GGCX: variants seen among roughly 807,000 people sequenced by gnomAD.
The protein encoded by GGCX is gamma-glutamyl carboxylase.
In GGCX, 63 loss-of-function variants were observed where a neutral mutation model predicts 88.5. The ratio of observed to expected loss-of-function variants is 0.71; its 90% confidence interval spans 0.58 to 0.88. The LOEUF is 0.88. Among genes scored for constraint, GGCX ranks in the 40% least tolerant of loss-of-function variants. GGCX has a pLI of 0.00. For missense variants in GGCX, 805 were observed against 932.9 expected (o/e 0.86, Z 1.79); for synonymous variants, 368 against 365.8 (o/e 1.01, Z -0.07).
chr2:85,544,972 TAAC>T lies in GGCX; in HGVS notation c.*4959_*4961del, dbSNP rs749255803. ...TTTTCTCTCAACACCATGATTCCTT[TAAC>T]AACATGTTTCCAGCATTCCCAGGTA... On this transcript the variant is annotated 3_prime_UTR_variant, in exon 15 of 15. Transcript: ENST00000233838. 66 of 152,566 alleles carry T rather than the reference TAAC, an allele frequency of 4.3e-4. No homozygotes were observed. The highest frequency in any genetic ancestry group is 9.2e-4 in the Admixed American group (14 of 15,262). 9.5% of individuals were successfully genotyped at this position (152,566 alleles called of 1,614,324 possible).
At chr2:85,551,099 T>C (rs542631041) in intron 12 of GGCX, 27 bp from the exon 13 acceptor site, 2 of 1,609,488 alleles carry the variant, frequency 1.2e-6, no homozygotes, top group East Asian at 2.2e-5. Flanking sequence ...AATGGATAAA[T>C]TTCATCAGCT....
At position 85,560,362 on chromosome 2, in the gene GGCX, G is replaced by A. The variant is rs574996920; in HGVS notation, c.214+453C>T. On this transcript the variant is annotated intron_variant, in intron 2 of 14. Transcript: ENST00000233838. ...AGCACTTTGGGAGGCCGAGGCAGGC[G>A]GATCACCTGAGGTCAGGAGTTTGAG... Among the ~76,000 whole-genome samples, 7 of 152,092 alleles carry A rather than the reference G, an allele frequency of 4.6e-5. No homozygotes were observed. The South Asian group carries it at 1.5e-3, about 32-fold the overall frequency.
chr2:85,558,325 T>A (rs532633739), intron 4 of GGCX, 115 bp downstream of exon 4: 1 of 918,894 alleles, frequency 1.1e-6, no homozygotes, highest in Non-Finnish European at 1.8e-6. Flanking sequence ...CAAAGTGACC[T>A]TGTAACCATA....
chr2:85,549,852 A>G lies in GGCX; in HGVS notation c.*82T>C. Reference sequence around the variant, plus strand: ...AAAAAAAAAAAAAAAACTTTTGAGAATTTTTTTCAAATAAATGTCCATTGC... The same window carrying G: ...AAAAAAAAAAAAAAAACTTTTGAGAGTTTTTTTCAAATAAATGTCCATTGC... On this transcript the variant is annotated 3_prime_UTR_variant, in exon 15 of 15. Transcript: ENST00000233838. 2 of 833,822 alleles carry G rather than the reference A, an allele frequency of 2.4e-6. No homozygotes were observed. Among genetic ancestry groups the G allele is most frequent in the Non-Finnish European group, 3.7e-6 (2 of 538,568 alleles). 51.7% of individuals were successfully genotyped at this position (833,822 alleles called of 1,614,324 possible).
rs1416935549 is a variant in GGCX, at chr2:85,551,966, A to G, written c.1455T>C (p.Arg485=). The G allele has an allele frequency of 9.9e-6, 16 of 1,613,800 alleles. No homozygotes were observed. Among genetic ancestry groups the G allele is most frequent in the Non-Finnish European group, 1.4e-5 (16 of 1,179,826 alleles). Reference sequence around the variant, plus strand: ...ACCAAGCGGCCTGCACGATGTCCACACGAGGGTCAAAAATCCTTAGGAAAG... The same window carrying G: ...ACCAAGCGGCCTGCACGATGTCCACGCGAGGGTCAAAAATCCTTAGGAAAG... ...DRFQQRIFDP[R]VDIVQAAWSP... Residue 485 remains arginine (R), a synonymous_variant, in exon 11 of 15, where the codon CGT becomes CGC. Transcript: ENST00000233838.
intron 3 of GGCX, 29 bp from the exon 4 acceptor site, chr2:85,558,634 G>A (rs1692307005): frequency 1.9e-6 from 3 of 1,582,622 alleles, no homozygotes; most frequent in South Asian, 1.1e-5. Context: ...GGATTAAGAG[G>A]TCAAGAGATC....
At position 85,546,497 on chromosome 2, in the gene GGCX, A is replaced by G. The variant is rs1294927851; in HGVS notation, c.*3437T>C. 6.6e-6 allele frequency: 1 copy of G among 151,732 alleles called. No homozygotes were observed. The highest frequency in any genetic ancestry group is 2.4e-5 in the African/African-American group (1 of 41,138). The allele number at this position is 151,732 out of a possible 1,614,324, so 9.4% of individuals were successfully genotyped here. On this transcript the variant is annotated 3_prime_UTR_variant, in exon 15 of 15. Transcript: ENST00000233838. The stretch of plus-strand genomic sequence containing the variant: ...TTTGGGAGGCTAATGCGGGTGGATC[A>G]CCTGAGGTCACGGTTTGATACCAGC...
rs1246324876 is a variant in GGCX, at chr2:85,544,845, A to G, written c.*5089T>C. The G allele has an allele frequency of 2.0e-5, 3 of 152,578 alleles. No homozygotes were observed. Among genetic ancestry groups the G allele is most frequent in the African/African-American group, 4.8e-5 (2 of 41,416 alleles). The allele number at this position is 152,578 out of a possible 1,614,324, so 9.5% of individuals were successfully genotyped here. ...TTGGCGGGGAGGAGGAAATCCCTTC[A>G]TACTTGAACGTTTTCTAATTGCTTA... is the stretch of plus-strand genomic sequence containing the variant. On this transcript the variant is annotated 3_prime_UTR_variant, in exon 15 of 15. Coordinates refer to ENST00000233838, the MANE Select transcript of GGCX (RefSeq NM_000821.7).
chr2:85,549,280 G>A lies in GGCX; in HGVS notation c.*654C>T, dbSNP rs958243397. On this transcript the variant is annotated 3_prime_UTR_variant, in exon 15 of 15. Transcript: ENST00000233838. ...CTAATGTAATAATGCAGGTAACACT[G>A]CTCACGCGGTGTGTTGCACATAGCA... 6.5e-6 allele frequency: 1 copy of A among 154,204 alleles called. No individual in the cohort carries two copies. The highest frequency in any genetic ancestry group is 1.4e-5 in the Non-Finnish European group (1 of 69,350). 9.6% of individuals were successfully genotyped at this position (154,204 alleles called of 1,614,324 possible). A position where few individuals can be genotyped will look rare whatever the true frequency, so the allele number is the denominator to read the frequency against.
In GGCX at chr2:85,559,019, T is replaced by C; in HGVS notation, c.271A>G (p.Lys91Glu). ...CACACATCCAGCCCATCAAGGTATTTCCGGTCCAGAGAGCTGAGCCCCCGC... is the reference window on the plus strand; with the variant it reads ...CACACATCCAGCCCATCAAGGTATTCCCGGTCCAGAGAGCTGAGCCCCCGC... The part of the protein sequence containing the change: ...QERGLSSLDR[K>E]YLDGLDVCRF... Residue 91 changes from lysine (K) to glutamate (E), a missense_variant, in exon 3 of 15, where the codon AAA becomes GAA. Transcript: ENST00000233838. The C allele has an allele frequency of 6.2e-7, 1 of 1,614,058 alleles. No individual in the cohort carries two copies. The highest frequency in any genetic ancestry group is 8.5e-7 in the Non-Finnish European group (1 of 1,179,940).
rs1261108468 is a variant in GGCX at position 85,547,575 on chromosome 2, CCA to C, written c.*2357_*2358del. On this transcript the variant is annotated 3_prime_UTR_variant, in exon 15 of 15. Coordinates refer to ENST00000233838, the MANE Select transcript of GGCX (RefSeq NM_000821.7). ...CAAGTAACTCTTGGGACTTTTGTTA[CCA>C]GTCAAGTAGGTACAGTGAGTTTGGC... The C allele has an allele frequency of 1.3e-5, 2 of 152,170 alleles. No individual in the cohort carries two copies. The highest frequency in any genetic ancestry group is 4.8e-5 in the African/African-American group (2 of 41,434). 9.4% of individuals were successfully genotyped at this position (152,170 alleles called of 1,614,324 possible).
intron 6 of GGCX, chr2:85,555,244 CT>C: frequency 2.4e-6 from 1 of 414,090 alleles, no homozygotes; most frequent in Non-Finnish European, 4.5e-6. Context: ...CGGCTCTTTC[CT>C]TTCCTTTTTA....
At chr2:85,561,012 G>A (rs1558814238) in intron 1 of GGCX, 27 bp from the exon 2 acceptor site, 1 of 1,570,232 alleles carries the variant, frequency 6.4e-7, no homozygotes. Context: ...GAGAAAATAT[G>A]TGTGCGGGGG....
In GGCX at chr2:85,547,411, GACC is replaced by G. The variant is rs1292579191; in HGVS notation, c.*2520_*2522del. The G allele has an allele frequency of 6.6e-6, 1 of 152,102 alleles. No homozygotes were observed. Among genetic ancestry groups the G allele is most frequent in the Non-Finnish European group, 1.5e-5 (1 of 68,016 alleles). 9.4% of individuals were successfully genotyped at this position (152,102 alleles called of 1,614,324 possible). On this transcript the variant is annotated 3_prime_UTR_variant, in exon 15 of 15. Transcript: ENST00000233838. The stretch of plus-strand genomic sequence containing the variant: ...CAGCTTTTATTACCAGTATTTACAT[GACC>G]ACTTTTTCTTTACACCTCACCCTAC...
At position 85,547,870 on chromosome 2, in the gene GGCX, A is replaced by C. The variant is rs1691754062; in HGVS notation, c.*2064T>G. 1 of 152,200 alleles carries C rather than the reference A, an allele frequency of 6.6e-6. No homozygotes were observed. Among genetic ancestry groups the C allele is most frequent in the African/African-American group, 2.4e-5 (1 of 41,442 alleles). The allele number at this position is 152,200 out of a possible 1,614,324, so 9.4% of individuals were successfully genotyped here. On this transcript the variant is annotated 3_prime_UTR_variant, in exon 15 of 15. Coordinates refer to ENST00000233838, the MANE Select transcript of GGCX (RefSeq NM_000821.7). ...CTGGTCTATCCCTAACTAGATGCTA[A>C]TACAAAGGTTGAAAATACAGATATA... is the stretch of plus-strand genomic sequence containing the variant.
At position 85,560,968 on chromosome 2, in the gene GGCX, T is replaced by A; in HGVS notation, c.61A>T (p.Lys21Ter). ...SPSSDKVQKD[K>*]AELISGPRQD... ...CTGGGCCCTGAGATCAGTTCAGCCT[T>A]GTCTTTCTGTACTTTATCTGCAATC... The change falls in exon 2 of 15, where the codon AAG (lysine) becomes TAG (stop). Residue 21 changes from lysine to a stop codon, truncating the protein, a stop_gained. Coordinates refer to ENST00000233838, the MANE Select transcript of GGCX (RefSeq NM_000821.7). LOFTEE classifies it high-confidence loss of function. 2 of 1,613,734 alleles carry A rather than the reference T, an allele frequency of 1.2e-6. No individual in the cohort carries two copies. The highest frequency in any genetic ancestry group is 2.2e-5 in the South Asian group (2 of 91,076).
Position 85,551,856 on chromosome 2 carries a change from C to T in GGCX, c.1565G>A (p.Ser522Asn), listed in dbSNP as rs1194741398. ...GACCACCTCAGTGTGGTTGTCTAGG[C>T]TGCTCTTGATTTCCTGTAACTTGGC... ...WRAKLQEIKS[S>N]LDNHTEVVFI... The change falls in exon 11 of 15, where the codon AGC becomes AAC. Residue 522 changes from serine to asparagine, a missense_variant. By Grantham distance (46) the Ser-to-Asn change is conservative (BLOSUM62 1). Around this residue, in one of 3 missense-constraint regions of GGCX, gnomAD observed 680 missense variants for 763.7 expected, o/e 0.89. Coordinates refer to ENST00000233838, the MANE Select transcript of GGCX (RefSeq NM_000821.7). The T allele has an allele frequency of 6.2e-7, 1 of 1,614,032 alleles. No individual in the cohort carries two copies. Among genetic ancestry groups the T allele is most frequent in the Non-Finnish European group, 8.5e-7 (1 of 1,179,874 alleles).
rs1340665603 is a variant in GGCX at position 85,545,444 on chromosome 2, T to C, written c.*4490A>G. ...GCACTCCAGCCTGGGTGACTGAGACTTTGGCTCTTAAAAAATGCTATCATA... is the reference window on the plus strand; with the variant it reads ...GCACTCCAGCCTGGGTGACTGAGACCTTGGCTCTTAAAAAATGCTATCATA... On this transcript the variant is annotated 3_prime_UTR_variant, in exon 15 of 15. Coordinates refer to ENST00000233838, the MANE Select transcript of GGCX (RefSeq NM_000821.7). 6.6e-6 allele frequency: 1 copy of C among 152,234 alleles called. No homozygotes were observed. Among genetic ancestry groups the C allele is most frequent in the Non-Finnish European group, 1.5e-5 (1 of 68,046 alleles). 9.4% of individuals were successfully genotyped at this position (152,234 alleles called of 1,614,324 possible).
chr2:85,556,282 T>C lies in GGCX; in HGVS notation c.540-22A>G, dbSNP rs755702889. 5 of 1,495,652 alleles carry C rather than the reference T, an allele frequency of 3.3e-6. No homozygotes were observed. The South Asian group carries it at 3.4e-5, about 10-fold the overall frequency. 92.6% of individuals were successfully genotyped at this position (1,495,652 alleles called of 1,614,324 possible). A position where few individuals can be genotyped will look rare whatever the true frequency, so the allele number is the denominator to read the frequency against. On this transcript the variant is annotated intron_variant, in intron 4 of 14. Transcript: ENST00000233838. ...AGACCTACACCGAGGGAGGTAAACA[T>C]TGAGGGGGGAGCTGCTTAATGCAGC...
Sources: gnomAD v4.1 joint callset for allele counts (sites outside exome capture counted in the v4.1 genomes callset) on GRCh38, gnomAD v4.1.1 for gene constraint, gnomAD v4.1.1 regional missense constraint, MANE v1.5 for transcripts, NCBI Gene and HGNC (gene_info 2026-07-23, HGNC 2026-07-21) for gene names.